The following ALMS1 variants were observed in gnomAD, a reference collection of about 807,000 sequenced individuals.
ALMS1 encodes ALMS1 centrosome and basal body associated protein.
ALMS1 carries 271 observed loss-of-function variants against 352.2 expected under a neutral mutation model. The observed-to-expected ratio is 0.77, with a 90% CI of 0.70 to 0.85. The LOEUF (loss-of-function observed/expected upper bound fraction) is 0.85. Among genes scored for constraint, ALMS1 ranks in the 40% least tolerant of loss-of-function variants. The pLI, the probability that ALMS1 is intolerant of heterozygous loss-of-function variation, is 0.00. For missense variants in ALMS1, 5,445 were observed against 4,870.7 expected (o/e 1.12, Z -3.51); for synonymous variants, 1,865 against 1,761.2 (o/e 1.06, Z -1.48).
At chr2:73,538,752 C>G (rs190007293) in intron 12 of ALMS1, among the ~76,000 whole-genome samples, 33 of 152,312 alleles carry the variant, frequency 2.2e-4, no homozygotes, top group African/African-American at 7.5e-4. Context: ...GCACCTGGCT[C>G]GGAGGATCCT....
At chr2:73,609,343 G>T (rs1675890963) in intron 22 of ALMS1, among the ~76,000 whole-genome samples, 2 of 152,220 alleles carry the variant, frequency 1.3e-5, no homozygotes, top group Admixed American at 1.3e-4. Context: ...TGGATTATCT[G>T]TGTCTCTATA....
rs780812545 is a variant in ALMS1 at position 73,534,988 on chromosome 2, A to AT, written c.9907+43dup. The AT allele has an allele frequency of 4.7e-5, 76 of 1,611,756 alleles. No individual in the cohort carries two copies. In the African/African-American group the frequency reaches 6.7e-4, roughly 14 times the overall value. On this transcript the variant is annotated intron_variant, in intron 12 of 22. Transcript: ENST00000613296. ...ATTATTCGAAGTTTTATTGTTTGAT[A>AT]TTTTATTTGTGTATTGGCTAGTTGA...
chr2:73,535,218 T>G (rs1221076898), intron 12 of ALMS1, among the ~76,000 whole-genome samples: 2 of 152,228 alleles, frequency 1.3e-5, no homozygotes, highest in Non-Finnish European at 2.9e-5. Flanking sequence ...GCTTTCTTGG[T>G]TCACAGTACC....
At chr2:73,432,157 A>T in intron 6 of ALMS1, 41 bp from the exon 7 acceptor site, 1 of 1,462,574 alleles carries the variant, frequency 6.8e-7, no homozygotes, top group Non-Finnish European at 9.6e-7. Flanking sequence ...GGCATTAATG[A>T]GTCTTTTTCA....
intron 16 of ALMS1, among the ~76,000 whole-genome samples, chr2:73,587,055 G>A (rs576346143): frequency 1.2e-4 from 19 of 152,126 alleles, no homozygotes; most frequent in Admixed American, 1.2e-3. Context: ...AAGGGATTGA[G>A]TTCTTGATTT....
chr2:73,564,918 A>T (rs1674772196), intron 15 of ALMS1, among the ~76,000 whole-genome samples: 1 of 152,248 alleles, frequency 6.6e-6, no homozygotes, highest in African/African-American at 2.4e-5. Flanking sequence ...ATTTACAGTC[A>T]TTAATTTTGT....
In ALMS1 at chr2:73,451,856, C is replaced by T. The variant is rs1558650098; in HGVS notation, c.5329C>T (p.His1777Tyr). The T allele has an allele frequency of 6.2e-7, 1 of 1,613,560 alleles. No individual in the cohort carries two copies. Among genetic ancestry groups the T allele is most frequent in the East Asian group, 2.2e-5 (1 of 44,844 alleles). Reference sequence around the variant, plus strand: ...TTACCAGCAAGAGTTGCCAGATAGTCATCTAACTGAAGAGGCTCTGAAAGT... The same window carrying T: ...TTACCAGCAAGAGTTGCCAGATAGTTATCTAACTGAAGAGGCTCTGAAAGT... ...ISYQQELPDSHLTEEALKVSN... is the reference protein window; with the variant it reads ...ISYQQELPDSYLTEEALKVSN... Residue 1777 changes from histidine to tyrosine, a missense_variant, in exon 8 of 23, where the codon CAT becomes TAT. By Grantham distance (83) the His-to-Tyr change is moderately conservative. Transcript: ENST00000613296.
At position 73,601,274 on chromosome 2, in the gene ALMS1, C is replaced by A. The variant is rs759874984; in HGVS notation, c.11952C>A (p.Gly3984=). 1.2e-6 allele frequency: 2 copies of A among 1,614,082 alleles called. No individual in the cohort carries two copies. Among genetic ancestry groups the A allele is most frequent in the Admixed American group, 1.7e-5 (1 of 60,012 alleles). The part of the protein sequence containing the change: ...KENVPNTCGP[G]ISWFEPITKT... ...ACGTGCCTAACACTTGTGGCCCTGGCATCTCCTGGTTTGAACCAATAACCA... is the reference window on the plus strand; with the variant it reads ...ACGTGCCTAACACTTGTGGCCCTGGAATCTCCTGGTTTGAACCAATAACCA... The change falls in exon 19 of 23, where the codon GGC becomes GGA. Residue 3984 remains glycine (G), a synonymous_variant. Coordinates refer to ENST00000613296, the MANE Select transcript of ALMS1 (RefSeq NM_001378454.1).
intron 15 of ALMS1, among the ~76,000 whole-genome samples, chr2:73,564,743 T>G (rs561612573): frequency 2.0e-5 from 3 of 152,230 alleles, no homozygotes; most frequent in African/African-American, 7.2e-5. Flanking sequence ...CCATGTAAAG[T>G]AGGCCTCCAG....
At chr2:73,495,934 G>C (rs940599643) in intron 10 of ALMS1, among the ~76,000 whole-genome samples, 19 of 152,204 alleles carry the variant, frequency 1.2e-4, no homozygotes, top group African/African-American at 4.3e-4. Context: ...TCTGCATCTA[G>C]AGTACAGTGT....
At chr2:73,431,879 TG>T (rs1259532685) in intron 6 of ALMS1, among the ~76,000 whole-genome samples, 2 of 152,192 alleles carry the variant, frequency 1.3e-5, no homozygotes, top group Admixed American at 6.5e-5. Flanking sequence ...AGCAAACTTC[TG>T]AGTAACAGAA....
chr2:73,461,800 T>G (rs1335265579), intron 9 of ALMS1, among the ~76,000 whole-genome samples: 2 of 152,034 alleles, frequency 1.3e-5, no homozygotes, highest in Non-Finnish European at 2.9e-5. Context: ...GAGAACCATG[T>G]GAAGAATGCA....
chr2:73,449,071 T>G lies in ALMS1; in HGVS notation c.2544T>G (p.Thr848=). 14 of 1,614,134 alleles carry G rather than the reference T, an allele frequency of 8.7e-6. No homozygotes were observed. Among genetic ancestry groups the G allele is most frequent in the Non-Finnish European group, 1.2e-5 (14 of 1,179,994 alleles). ...TTTCTGGACCAGCTGACGGAAAGAC[T>G]GGGACACCAGCTGTAACCTCTACTT... is the stretch of plus-strand genomic sequence containing the variant. The part of the protein sequence containing the change: ...SAVSGPADGK[T]GTPAVTSTSS... Residue 848 remains threonine (T), a synonymous_variant, in exon 8 of 23, where the codon ACT becomes ACG. Transcript: ENST00000613296.
At chr2:73,507,919 T>C (rs1330163899) in intron 10 of ALMS1, among the ~76,000 whole-genome samples, 1 of 152,178 alleles carries the variant, frequency 6.6e-6, no homozygotes, top group Non-Finnish European at 1.5e-5. Flanking sequence ...CATTTAGTGC[T>C]ATAAATTTCC....
At chr2:73,595,289 G>A (rs184341131) in intron 16 of ALMS1, among the ~76,000 whole-genome samples, 15 of 152,128 alleles carry the variant, frequency 9.9e-5, no homozygotes, top group South Asian at 4.1e-4. Context: ...CATTTCTGTC[G>A]TTACCAAAAG....
chr2:73,418,679 T>A (rs933329926), intron 2 of ALMS1, among the ~76,000 whole-genome samples: 2 of 152,202 alleles, frequency 1.3e-5, no homozygotes, highest in South Asian at 4.1e-4. Flanking sequence ...AATGAATCTT[T>A]CAGAGGTTTC....
At chr2:73,388,054 G>A (rs1484951869) in intron 1 of ALMS1, among the ~76,000 whole-genome samples, 2 of 152,136 alleles carry the variant, frequency 1.3e-5, no homozygotes, top group African/African-American at 2.4e-5. Flanking sequence ...GGTGGAATTG[G>A]TTGGGTGAGT....
intron 11 of ALMS1, among the ~76,000 whole-genome samples, chr2:73,527,357 C>T (rs1253190474): frequency 6.6e-6 from 1 of 151,452 alleles, no homozygotes; most frequent in African/African-American, 2.4e-5. Context: ...ATTAGTTCTT[C>T]TTTAACTATT....
intron 16 of ALMS1, among the ~76,000 whole-genome samples, chr2:73,596,792 A>T (rs1675558512): frequency 6.6e-6 from 1 of 151,246 alleles, no homozygotes; most frequent in Admixed American, 6.6e-5. Flanking sequence ...TCCTTATATC[A>T]ATGCCACAAT....
Sources: allele counts gnomAD v4.1 joint callset (sites outside exome capture counted in the v4.1 genomes callset), GRCh38; gene constraint gnomAD v4.1.1; transcripts MANE v1.5; gene names NCBI Gene and HGNC (gene_info 2026-07-23, HGNC 2026-07-21).